The following KCNAB1 variants were observed in gnomAD, a reference collection of about 807,000 sequenced individuals.
The protein encoded by KCNAB1 is voltage-gated potassium channel subunit beta-1.
KCNAB1 carries 35 observed loss-of-function variants against 64.6 expected under a neutral mutation model. That is an observed-to-expected ratio of 0.54 (90% CI 0.41 to 0.72). The LOEUF (loss-of-function observed/expected upper bound fraction) is 0.72. Ranked by LOEUF, KCNAB1 falls within the 30% of genes least tolerant of loss-of-function variation. The pLI is 0.00. For synonymous variants in KCNAB1, 177 were observed against 183.8 expected (o/e 0.96, Z 0.30); for missense variants, 401 against 512.9 (o/e 0.78, Z 2.11).
intron 1 of KCNAB1, among the ~76,000 whole-genome samples, chr3:156,168,738 A>T (rs1711767128): frequency 6.6e-6 from 1 of 152,260 alleles, no homozygotes; most frequent in Non-Finnish European, 1.5e-5. Context: ...GAAAACAGCG[A>T]GATGTTTTCT....
At chr3:156,459,070 T>G (rs1459731882) in intron 4 of KCNAB1, among the ~76,000 whole-genome samples, 1 of 152,222 alleles carries the variant, frequency 6.6e-6, no homozygotes, top group Non-Finnish European at 1.5e-5. Context: ...AGCATCCTAA[T>G]GGACAAGGTG....
chr3:156,261,531 C>G (rs568549525), intron 1 of KCNAB1, among the ~76,000 whole-genome samples: 1 of 152,080 alleles, frequency 6.6e-6, no homozygotes, highest in East Asian at 1.9e-4. Context: ...GCATCATTGT[C>G]AAAAGTTAAG....
Position 156,536,327 on chromosome 3 carries a change from CAT to C in KCNAB1, c.1171-330_1171-329del, listed in dbSNP as rs140104801. On this transcript the variant is annotated intron_variant, in intron 13 of 13. Coordinates refer to ENST00000490337, the MANE Select transcript of KCNAB1 (RefSeq NM_172160.3). Reference sequence around the variant, plus strand: ...TGTTTTGGATATAATGAAGTAAAAACATGTATTAATTTCACTGTTCTTTTTAA... The same window carrying C: ...TGTTTTGGATATAATGAAGTAAAAACGTATTAATTTCACTGTTCTTTTTAA... Among the ~76,000 whole-genome samples the C allele has an allele frequency of 2.1e-3, 324 of 152,300 alleles. 1 individual carries two copies. The highest frequency in any genetic ancestry group is 3.5e-3 in the Non-Finnish European group (240 of 68,024).
At chr3:156,475,784 G>A (rs1714296177) in intron 8 of KCNAB1, among the ~76,000 whole-genome samples, 1 of 152,102 alleles carries the variant, frequency 6.6e-6, no homozygotes, top group Non-Finnish European at 1.5e-5. Flanking sequence ...TATAGTAATG[G>A]AAAAGTATAA....
At chr3:156,396,336 C>A (rs1408005730) in intron 1 of KCNAB1, among the ~76,000 whole-genome samples, 1 of 152,130 alleles carries the variant, frequency 6.6e-6, no homozygotes, top group Non-Finnish European at 1.5e-5. Context: ...ATTTTGTTTC[C>A]ATTTTTAATT....
upstream of KCNAB1, chr3:156,120,520 G>T: frequency 7.0e-7 from 1 of 1,422,672 alleles, no homozygotes; most frequent in Non-Finnish European, 9.7e-7. Context: ...AGGTGGAGTG[G>T]GCAGGGACGA....
chr3:156,318,389 T>A (rs1184111845), intron 1 of KCNAB1, among the ~76,000 whole-genome samples: 1 of 152,130 alleles, frequency 6.6e-6, no homozygotes, highest in Admixed American at 6.5e-5. Context: ...CGTAGGCCTC[T>A]ATGAACCTAA....
At chr3:156,499,444 T>C (rs1716231716) in intron 8 of KCNAB1, among the ~76,000 whole-genome samples, 1 of 152,208 alleles carries the variant, frequency 6.6e-6, no homozygotes, top group Non-Finnish European at 1.5e-5. Flanking sequence ...GGGCTTAAGT[T>C]GAGAAATAAA....
chr3:156,499,412 C>A (rs965360984), intron 8 of KCNAB1, among the ~76,000 whole-genome samples: 1 of 152,158 alleles, frequency 6.6e-6, no homozygotes, highest in African/African-American at 2.4e-5. Flanking sequence ...CCACTGCTTA[C>A]AAAAGTGCCT....
Position 156,459,853 on chromosome 3 carries a change from T to A in KCNAB1, c.464T>A (p.Ile155Asn). Reference protein sequence around the residue: ...GKAEVILGSIIKKKGWRRSSL... With the variant: ...GKAEVILGSINKKKGWRRSSL... ...GCTGAAGTGATTCTGGGGAGCATCA[T>A]CAAGAAGAAAGGCTGGAGGTATTGC... Residue 155 changes from isoleucine (I) to asparagine (N), a missense_variant, in exon 5 of 14, where the codon ATC becomes AAC. Physicochemically the swap from Ile to Asn is moderately radical, Grantham distance 149. Transcript: ENST00000490337. The A allele has an allele frequency of 6.2e-7, 1 of 1,610,944 alleles. No individual in the cohort carries two copies. The highest frequency in any genetic ancestry group is 8.5e-7 in the Non-Finnish European group (1 of 1,177,408).
chr3:156,449,993 C>T (rs1024811388), intron 2 of KCNAB1, among the ~76,000 whole-genome samples: 1 of 152,198 alleles, frequency 6.6e-6, no homozygotes, highest in African/African-American at 2.4e-5. Flanking sequence ...TTCTGCACCA[C>T]AGTGCAAGTA....
rs189354386 is a variant in KCNAB1, at chr3:156,142,489, C to T, written c.275+21603C>T. 5.8e-3 allele frequency among the ~76,000 whole-genome samples: 880 copies of T among 152,288 alleles called. 5 individuals are homozygous for T. Among genetic ancestry groups the T allele is most frequent in the African/African-American group, 0.02 (829 of 41,562 alleles). On this transcript the variant is annotated intron_variant, in intron 1 of 13. Coordinates refer to ENST00000490337, the MANE Select transcript of KCNAB1 (RefSeq NM_172160.3). The stretch of plus-strand genomic sequence containing the variant: ...TGTTTGTTGCTGTTCTGCTTTGCCT[C>T]GCTTATGGATATCCAGTTGCTCCAG...
At chr3:156,431,191 A>G (rs950037820) in intron 2 of KCNAB1, among the ~76,000 whole-genome samples, 9 of 152,158 alleles carry the variant, frequency 5.9e-5, no homozygotes, top group African/African-American at 1.4e-4. Flanking sequence ...AGGTCCCCAT[A>G]GTTCCTGTAC....
chr3:156,188,554 G>A (rs1390280367), intron 1 of KCNAB1, among the ~76,000 whole-genome samples: 10 of 152,126 alleles, frequency 6.6e-5, no homozygotes, highest in Admixed American at 6.5e-4. Context: ...ATTTAGAAAA[G>A]CAAAGTCCTT....
chr3:156,200,094 G>T (rs2108376488), intron 1 of KCNAB1, among the ~76,000 whole-genome samples: 1 of 152,330 alleles, frequency 6.6e-6, no homozygotes, highest in South Asian at 2.1e-4. Flanking sequence ...CTGCAGGTCT[G>T]CTGGAATTTG....
At chr3:156,354,136 ATATATATGTG>A (rs1725068836) in intron 1 of KCNAB1, among the ~76,000 whole-genome samples, 1 of 144,414 alleles carries the variant, frequency 6.9e-6, no homozygotes, top group Non-Finnish European at 1.5e-5. Flanking sequence ...ATATATATAT[ATATATATGTG>A]TATATATATA....
intron 2 of KCNAB1, among the ~76,000 whole-genome samples, chr3:156,426,862 C>A (rs968027426): frequency 6.6e-6 from 1 of 152,038 alleles, no homozygotes; most frequent in Non-Finnish European, 1.5e-5. Context: ...CATCCTATGC[C>A]AAAAACAGTT....
rs528741337 is a variant in KCNAB1, at chr3:156,241,421, C to A, written c.275+120535C>A. 7.9e-5 allele frequency among the ~76,000 whole-genome samples: 12 copies of A among 152,292 alleles called. No individual in the cohort carries two copies. The South Asian group carries it at 1.5e-3, about 18-fold the overall frequency. On this transcript the variant is annotated intron_variant, in intron 1 of 13. Transcript: ENST00000490337. ...TCCATTATGCTCTATGGACTGTATG[C>A]ACTCAAGGTCTTCTACACAGATGAC...
At chr3:156,162,994 A>C (rs1434940833) in intron 1 of KCNAB1, among the ~76,000 whole-genome samples, 1 of 152,258 alleles carries the variant, frequency 6.6e-6, no homozygotes, top group Non-Finnish European at 1.5e-5. Flanking sequence ...CAGAGGAATT[A>C]TAATTAGGTA....
Sources: gnomAD v4.1 joint callset for allele counts (sites outside exome capture counted in the v4.1 genomes callset) on GRCh38, gnomAD v4.1.1 for gene constraint, MANE v1.5 for transcripts, NCBI Gene and HGNC (gene_info 2026-07-23, HGNC 2026-07-21) for gene names.